Variants in SPOPL observed in about 807,000 individuals in gnomAD.
SPOPL encodes the protein speckle type BTB/POZ protein like.
Under a neutral mutation model 53.8 loss-of-function variants are expected in SPOPL, and 23 were observed. The observed-to-expected ratio is 0.43, with a 90% confidence interval of 0.31 to 0.61. The LOEUF (loss-of-function observed/expected upper bound fraction) is 0.61. SPOPL is among the 20% of genes least tolerant of loss of function. The pLI, the probability that SPOPL is intolerant of heterozygous loss-of-function variation, is 0.12. For missense variants in SPOPL, 442 were observed against 466.9 expected (o/e 0.95, Z 0.49); for synonymous variants, 164 against 149.7 (o/e 1.10, Z -0.70).
chr2:138,550,625 G>T lies in SPOPL; in HGVS notation c.200+21G>T, dbSNP rs750078475. On this transcript the variant is annotated intron_variant, in intron 3 of 10. Transcript: ENST00000280098. ...AAATGGTAAGATTTTTGTTTGCTTTGAATTTTTGTTTTTTGTTTTTGATGT... is the reference window on the plus strand; with the variant it reads ...AAATGGTAAGATTTTTGTTTGCTTTTAATTTTTGTTTTTTGTTTTTGATGT... 3 of 1,579,408 alleles carry T rather than the reference G, an allele frequency of 1.9e-6. No homozygotes were observed. In the Admixed American group the frequency reaches 5.6e-5, roughly 30 times the overall value.
At chr2:138,549,840 A>T (rs73959469) in intron 1 of SPOPL, among the ~76,000 whole-genome samples, 2 of 152,140 alleles carry the variant, frequency 1.3e-5, no homozygotes, top group Admixed American at 1.3e-4. Flanking sequence ...AACTGATGTC[A>T]TTATGTTTCC....
intron 1 of SPOPL, among the ~76,000 whole-genome samples, chr2:138,544,457 T>G (rs1442173044): frequency 1.3e-5 from 2 of 152,222 alleles, no homozygotes; most frequent in African/African-American, 4.8e-5. Context: ...CCAGCCTCGC[T>G]GCCGCCTTGC....
chr2:138,537,696 T>G (rs757792366), intron 1 of SPOPL, among the ~76,000 whole-genome samples: 1 of 152,182 alleles, frequency 6.6e-6, no homozygotes, highest in Non-Finnish European at 1.5e-5. Flanking sequence ...AACACAGTGC[T>G]TATGGCTACA....
At chr2:138,549,531 A>T (rs977557221) in intron 1 of SPOPL, among the ~76,000 whole-genome samples, 19 of 152,132 alleles carry the variant, frequency 1.2e-4, no homozygotes, top group African/African-American at 4.6e-4. Flanking sequence ...GATACAGTAC[A>T]AGAACAGCTA....
At chr2:138,553,946 A>T (rs187706716) in intron 5 of SPOPL, among the ~76,000 whole-genome samples, 2 of 152,140 alleles carry the variant, frequency 1.3e-5, no homozygotes, top group African/African-American at 2.4e-5. Flanking sequence ...TCCACATGTA[A>T]ATTGTTTAAA....
chr2:138,550,787 T>C, intron 3 of SPOPL, 116 bp from the exon 4 acceptor site: 1 of 1,420,272 alleles, frequency 7.0e-7, no homozygotes, highest in Non-Finnish European at 9.5e-7. Flanking sequence ...GAGTGCTGTT[T>C]GTGACATTAA....
intron 1 of SPOPL, among the ~76,000 whole-genome samples, chr2:138,522,291 C>T (rs1389241394): frequency 6.6e-6 from 1 of 152,166 alleles, no homozygotes; most frequent in Non-Finnish European, 1.5e-5. Flanking sequence ...TCATGTAATT[C>T]AACCTGATAC....
In SPOPL at chr2:138,571,249, C is replaced by T. The variant is rs78310611; in HGVS notation, c.*2169C>T. ...ATCCATTTATATCCAATGCGCACCA[C>T]ACCGGCACATTGTGATTTAATTCAC... is the stretch of plus-strand genomic sequence containing the variant. On this transcript the variant is annotated 3_prime_UTR_variant, in exon 11 of 11. Coordinates refer to ENST00000280098, the MANE Select transcript of SPOPL (RefSeq NM_001001664.3). 2,002 of 152,574 alleles carry T rather than the reference C, an allele frequency of 0.013. 22 individuals carry two copies. Among genetic ancestry groups the T allele is most frequent in the Middle Eastern group, 0.02 (6 of 294 alleles). The allele number at this position is 152,574 out of a possible 1,614,324, so 9.5% of individuals were successfully genotyped here.
At chr2:138,531,507 A>G (rs1414347903) in intron 1 of SPOPL, among the ~76,000 whole-genome samples, 2 of 152,066 alleles carry the variant, frequency 1.3e-5, no homozygotes, top group East Asian at 3.9e-4. Context: ...TTACCTCTTC[A>G]AATATTGCTT....
intron 1 of SPOPL, among the ~76,000 whole-genome samples, chr2:138,529,820 T>A (rs910717198): frequency 6.6e-6 from 1 of 152,218 alleles, no homozygotes; most frequent in Non-Finnish European, 1.5e-5. Context: ...ATAATTTTTT[T>A]AAACTTTTAT....
chr2:138,565,664 G>A (rs1397592524), intron 10 of SPOPL, among the ~76,000 whole-genome samples: 8 of 151,802 alleles, frequency 5.3e-5, no homozygotes, highest in Admixed American at 4.6e-4. Context: ...ATCTGCTTTT[G>A]ATTAGTTTTG....
intron 1 of SPOPL, among the ~76,000 whole-genome samples, chr2:138,534,581 G>A (rs1254312061): frequency 1.3e-5 from 2 of 152,110 alleles, no homozygotes; most frequent in Non-Finnish European, 2.9e-5. Context: ...ACTTCTATGT[G>A]CAGGTATTTT....
chr2:138,532,214 G>A (rs1684824030), intron 1 of SPOPL, among the ~76,000 whole-genome samples: 1 of 152,094 alleles, frequency 6.6e-6, no homozygotes, highest in South Asian at 2.1e-4. Flanking sequence ...CACCTCACCA[G>A]GATCTTAGCC....
chr2:138,540,725 A>G (rs1036378895), intron 1 of SPOPL, among the ~76,000 whole-genome samples: 1 of 152,114 alleles, frequency 6.6e-6, no homozygotes, highest in African/African-American at 2.4e-5. Context: ...CTAATTGGAT[A>G]CCCTTTATTT....
intron 5 of SPOPL, among the ~76,000 whole-genome samples, chr2:138,556,558 T>C (rs1403555662): frequency 1.3e-5 from 2 of 152,200 alleles, no homozygotes; most frequent in East Asian, 3.9e-4. Context: ...AAACCTTGAA[T>C]ATTAACACCA....
chr2:138,570,082 T>G lies in SPOPL; in HGVS notation c.*1002T>G, dbSNP rs1200548054. The G allele has an allele frequency of 6.6e-6, 1 of 152,450 alleles. No individual in the cohort carries two copies. Among genetic ancestry groups the G allele is most frequent in the East Asian group, 1.9e-4 (1 of 5,198 alleles). 9.4% of individuals were successfully genotyped at this position (152,450 alleles called of 1,614,324 possible). Reference sequence around the variant, plus strand: ...AATAGATGAGAAAGACATCCTTGATTGTAGTTAAATTGGTTTGGATTACAG... The same window carrying G: ...AATAGATGAGAAAGACATCCTTGATGGTAGTTAAATTGGTTTGGATTACAG... On this transcript the variant is annotated 3_prime_UTR_variant, in exon 11 of 11. Transcript: ENST00000280098.
intron 1 of SPOPL, among the ~76,000 whole-genome samples, chr2:138,531,271 A>C (rs1351066451): frequency 6.6e-6 from 1 of 152,080 alleles, no homozygotes; most frequent in Non-Finnish European, 1.5e-5. Context: ...TGTAGAGATT[A>C]CAGTATACTT....
intron 1 of SPOPL, among the ~76,000 whole-genome samples, chr2:138,513,765 T>C (rs1684380108): frequency 6.6e-6 from 1 of 151,180 alleles, no homozygotes. Context: ...AAAAATTGGC[T>C]TTTGCATTCT....
chr2:138,530,109 A>C (rs910267820), intron 1 of SPOPL, among the ~76,000 whole-genome samples: 1 of 152,188 alleles, frequency 6.6e-6, no homozygotes, highest in African/African-American at 2.4e-5. Context: ...TGCTAAAGAT[A>C]ATGGCCTCCA....
Sources: allele counts gnomAD v4.1 joint callset (sites outside exome capture counted in the v4.1 genomes callset), GRCh38; gene constraint gnomAD v4.1.1; transcripts MANE v1.5; gene names NCBI Gene and HGNC (gene_info 2026-07-23, HGNC 2026-07-21).